The following TSGA10 variants were observed in gnomAD, a reference collection of about 807,000 sequenced individuals.
TSGA10 encodes the protein testis-specific gene 10 protein.
Under a neutral mutation model 96.6 loss-of-function variants are expected in TSGA10, and 43 were observed. That is an observed-to-expected ratio of 0.44 (90% confidence interval 0.35 to 0.57). The LOEUF (loss-of-function observed/expected upper bound fraction) is 0.57, where lower values mean the gene tolerates loss of function less well. TSGA10 is among the 20% of genes least tolerant of loss of function. TSGA10 has a pLI of 0.01. For missense variants in TSGA10, 703 were observed against 834.4 expected (o/e 0.84, Z 1.94); for synonymous variants, 229 against 269.9 (o/e 0.85, Z 1.48).
intron 17 of TSGA10, among the ~76,000 whole-genome samples, chr2:99,034,795 A>G (rs888093346): frequency 6.6e-6 from 1 of 152,160 alleles, no homozygotes; most frequent in Non-Finnish European, 1.5e-5. Flanking sequence ...ACAGGAACCT[A>G]TATCTTTTGA....
intron 20 of TSGA10, among the ~76,000 whole-genome samples, chr2:99,003,321 A>G (rs2078132238): frequency 6.6e-6 from 1 of 152,244 alleles, no homozygotes; most frequent in Non-Finnish European, 1.5e-5. Context: ...AGATGTACAA[A>G]GAGACTTAGA....
At chr2:99,147,597 T>A (rs960413089) in intron 1 of TSGA10, 5 of 981,232 alleles carry the variant, frequency 5.1e-6, no homozygotes, top group Non-Finnish European at 7.8e-6. Context: ...ATGTTACCAT[T>A]CTTTTACGTT....
At position 99,154,786 on chromosome 2, in the gene TSGA10, G is replaced by A; in HGVS notation, c.-714C>T. 1 of 322,336 alleles carries A rather than the reference G, an allele frequency of 3.1e-6. No individual in the cohort carries two copies. Among genetic ancestry groups the A allele is most frequent in the Non-Finnish European group, 6.1e-6 (1 of 162,894 alleles). 20.0% of individuals were successfully genotyped at this position (322,336 alleles called of 1,614,324 possible). On this transcript the variant is annotated 5_prime_UTR_variant, in exon 1 of 21. In the 5' UTR this introduces an upstream ATG that the reference lacks. Transcript: ENST00000393483. ...TGACCTTCGGTACTTTTATTCGAACGTAGCCTGCGTCCCTGCCTGGAACCT... is the reference window on the plus strand; with the variant it reads ...TGACCTTCGGTACTTTTATTCGAACATAGCCTGCGTCCCTGCCTGGAACCT...
intron 16 of TSGA10, among the ~76,000 whole-genome samples, chr2:99,054,671 T>C (rs961998844): frequency 1.3e-4 from 20 of 152,088 alleles, no homozygotes; most frequent in Non-Finnish European, 2.4e-4. Context: ...ATAACCCAAT[T>C]TAAAAATGGG....
intron 1 of TSGA10, among the ~76,000 whole-genome samples, chr2:99,137,886 CA>C (rs35439305): frequency 0.63 from 72,733 of 115,720 alleles, 20,150 homozygotes; most frequent in East Asian, 0.85. Context: ...GACTCCATGT[CA>C]AAAAAAAAAA....
intron 2 of TSGA10, among the ~76,000 whole-genome samples, chr2:99,121,748 G>A (rs983086920): frequency 7.2e-5 from 11 of 152,054 alleles, no homozygotes; most frequent in Admixed American, 2.0e-4. Flanking sequence ...TTATAGCCAC[G>A]AGCCACCACA....
chr2:99,030,829 C>T (rs1415761290), intron 17 of TSGA10, among the ~76,000 whole-genome samples: 1 of 152,046 alleles, frequency 6.6e-6, no homozygotes, highest in Non-Finnish European at 1.5e-5. Flanking sequence ...CTGAAAACTA[C>T]ACAGTTAACA....
rs57316203 is a variant in TSGA10, at chr2:99,044,351, C to CA, written c.1405-8913dup. On this transcript the variant is annotated intron_variant, in intron 16 of 20. Coordinates refer to ENST00000393483, the MANE Select transcript of TSGA10 (RefSeq NM_025244.4). ...GAATATTTACCAAGCAAATGGAAAG[C>CA]AAAAAAAAAAAAAAAAATCAGGAGT... Among the ~76,000 whole-genome samples, 803 of 98,542 alleles carry CA rather than the reference C, an allele frequency of 8.1e-3. 11 individuals carry two copies. Among genetic ancestry groups the CA allele is most frequent in the East Asian group, 0.021 (55 of 2,586 alleles). 64.6% of individuals were successfully genotyped at this position (98,542 alleles called of 152,430 possible). A position where few individuals can be genotyped will look rare whatever the true frequency, so the allele number is the denominator to read the frequency against.
At chr2:99,086,875 C>T (rs1041828575) in intron 10 of TSGA10, among the ~76,000 whole-genome samples, 3 of 151,894 alleles carry the variant, frequency 2.0e-5, no homozygotes, top group African/African-American at 7.3e-5. Flanking sequence ...TTCAAGACCA[C>T]CCTGGACAAC....
At chr2:99,114,062 A>G (rs1188307478) in intron 4 of TSGA10, among the ~76,000 whole-genome samples, 1 of 152,250 alleles carries the variant, frequency 6.6e-6, no homozygotes, top group Non-Finnish European at 1.5e-5. Flanking sequence ...CTTTAAAAAT[A>G]AGACTAAAAG....
chr2:99,109,870 A>G (rs2091656255), intron 5 of TSGA10, among the ~76,000 whole-genome samples: 1 of 152,142 alleles, frequency 6.6e-6, no homozygotes, highest in African/African-American at 2.4e-5. Context: ...CTTTAGAAAA[A>G]CATATGCTAC....
chr2:99,011,069 CA>C (rs1386339090), intron 20 of TSGA10, among the ~76,000 whole-genome samples: 12 of 152,188 alleles, frequency 7.9e-5, no homozygotes, highest in African/African-American at 1.2e-4. Flanking sequence ...AAGCCCTGCC[CA>C]AGTAGAGTCT....
intron 10 of TSGA10, among the ~76,000 whole-genome samples, chr2:99,099,166 G>A (rs1447440799): frequency 6.6e-6 from 1 of 152,162 alleles, no homozygotes; most frequent in Non-Finnish European, 1.5e-5. Context: ...TACAAAATTA[G>A]CTGGGGGTAG....
At chr2:99,014,226 T>C (rs891313561) in intron 20 of TSGA10, among the ~76,000 whole-genome samples, 60 of 152,102 alleles carry the variant, frequency 3.9e-4, no homozygotes, top group African/African-American at 1.3e-3. Context: ...TCCCAGCTAC[T>C]TGGGAGGTTG....
intron 16 of TSGA10, among the ~76,000 whole-genome samples, chr2:99,057,942 T>G (rs2084190206): frequency 6.6e-6 from 1 of 152,180 alleles, no homozygotes; most frequent in East Asian, 1.9e-4. Context: ...AAGAAGCCCA[T>G]GTGTCTATGA....
At chr2:99,006,015 C>T (rs1056776945) in intron 20 of TSGA10, among the ~76,000 whole-genome samples, 3 of 152,126 alleles carry the variant, frequency 2.0e-5, no homozygotes, top group African/African-American at 7.2e-5. Context: ...TGATCTTTGA[C>T]AAACCTGACA....
At chr2:99,018,158 T>A (rs767545433) in intron 20 of TSGA10, 42 bp downstream of exon 20, 1 of 1,610,702 alleles carries the variant, frequency 6.2e-7, no homozygotes, top group South Asian at 1.1e-5. Context: ...TACTAGATAC[T>A]GCTATTTGAT....
intron 20 of TSGA10, among the ~76,000 whole-genome samples, chr2:99,007,407 A>G (rs1052909406): frequency 1.3e-5 from 2 of 152,352 alleles, no homozygotes; most frequent in Admixed American, 6.5e-5. Flanking sequence ...TACTCAAAAA[A>G]GTTAAAAATA....
intron 16 of TSGA10, among the ~76,000 whole-genome samples, chr2:99,036,274 A>G (rs1361253504): frequency 6.6e-6 from 1 of 152,028 alleles, no homozygotes; most frequent in East Asian, 1.9e-4. Context: ...CTTTCTCTCT[A>G]TCTCTTCCCT....
Sources: gnomAD v4.1 joint callset for allele counts (sites outside exome capture counted in the v4.1 genomes callset) on GRCh38, gnomAD v4.1.1 for gene constraint, MANE v1.5 for transcripts, NCBI Gene and HGNC (gene_info 2026-07-23, HGNC 2026-07-21) for gene names.